WDR27: variants seen among roughly 807,000 people sequenced by gnomAD.
WDR27 encodes the protein WD repeat domain 27.
In WDR27, 100 loss-of-function variants were observed where a neutral mutation model predicts 114.4. That is an observed-to-expected ratio of 0.87 (90% CI 0.74 to 1.03). The LOEUF (loss-of-function observed/expected upper bound fraction) is 1.03, where lower values mean the gene tolerates loss of function less well. WDR27 is among the 50% of genes least tolerant of loss of function. The probability of loss-of-function intolerance (pLI) is 0.00; values close to 1 mark genes in which losing one functional copy is unlikely to be tolerated. For missense variants in WDR27, 1,129 were observed against 1,092.9 expected (o/e 1.03, Z -0.47); for synonymous variants, 449 against 423.1 (o/e 1.06, Z -0.75).
intron 25 of WDR27, among the ~76,000 whole-genome samples, chr6:169,557,080 C>CA (rs1391593548): frequency 2.0e-5 from 3 of 152,150 alleles, no homozygotes; most frequent in African/African-American, 7.2e-5. Flanking sequence ...TGTGTTCACA[C>CA]AAACAGCTGT....
At chr6:169,576,196 C>T (rs1290141537) in intron 24 of WDR27, among the ~76,000 whole-genome samples, 2 of 152,236 alleles carry the variant, frequency 1.3e-5, no homozygotes, top group South Asian at 4.1e-4. Flanking sequence ...TCTGTGTCCA[C>T]CCACCCTCAG....
chr6:169,674,688 GA>G (rs1294526773), intron 2 of WDR27, among the ~76,000 whole-genome samples: 1 of 152,166 alleles, frequency 6.6e-6, no homozygotes, highest in African/African-American at 2.4e-5. Context: ...AAATTTTGAT[GA>G]AAACCATAAA....
intron 25 of WDR27, among the ~76,000 whole-genome samples, chr6:169,508,559 G>C (rs1309546325): frequency 1.3e-5 from 2 of 152,148 alleles, no homozygotes; most frequent in Non-Finnish European, 2.9e-5. Flanking sequence ...CTGAAAATTA[G>C]TCTCTATGAA....
At chr6:169,584,930 C>T (rs1804253327) in intron 23 of WDR27, among the ~76,000 whole-genome samples, 1 of 152,074 alleles carries the variant, frequency 6.6e-6, no homozygotes, top group African/African-American at 2.4e-5. Context: ...GCTATAATAA[C>T]TAAAACAATG....
At position 169,500,632 on chromosome 6, in the gene WDR27, G is replaced by A. The variant is rs538040688; in HGVS notation, c.2646-42998C>T. On this transcript the variant is annotated intron_variant, in intron 25 of 25. Transcript: ENST00000448612. ...TGGAGGAGGGGCAATGAGTACCCAG[G>A]ACCTGCCCTCCGGGAGGTATGGCTG... is the stretch of plus-strand genomic sequence containing the variant. Among the ~76,000 whole-genome samples the A allele has an allele frequency of 4.7e-4, 71 of 152,258 alleles. No homozygotes were observed. The Middle Eastern group carries it at 0.02, about 44-fold the overall frequency.
chr6:169,487,231 C>T (rs191521512), intron 25 of WDR27, among the ~76,000 whole-genome samples: 8 of 152,272 alleles, frequency 5.3e-5, no homozygotes, highest in Admixed American at 2.6e-4. Flanking sequence ...TGACATACAG[C>T]GAATACCATT....
intron 23 of WDR27, among the ~76,000 whole-genome samples, chr6:169,597,734 T>C (rs1159614114): frequency 1.3e-5 from 2 of 152,168 alleles, no homozygotes; most frequent in Admixed American, 6.5e-5. Context: ...GAATAAAATA[T>C]GTTGACAGGA....
At chr6:169,489,098 C>T (rs1583733264) in intron 25 of WDR27, among the ~76,000 whole-genome samples, 1 of 152,110 alleles carries the variant, frequency 6.6e-6, no homozygotes, top group Admixed American at 6.5e-5. Context: ...ACTTCCCGAC[C>T]CTGGTGCAGA....
Position 169,636,471 on chromosome 6 carries a change from C to T in WDR27, c.1903G>A (p.Ala635Thr), listed in dbSNP as rs376356373. The T allele has an allele frequency of 2.1e-4, 346 of 1,613,542 alleles. No homozygotes were observed. Among genetic ancestry groups the T allele is most frequent in the Non-Finnish European group, 2.8e-4 (334 of 1,179,728 alleles). The change falls in exon 19 of 26, where the codon GCA (alanine) becomes ACA (threonine). Residue 635 changes from alanine to threonine, a missense_variant. Ala to Thr is a moderately conservative substitution (Grantham distance 58). Transcript: ENST00000448612. Reference protein sequence around the residue: ...KDMFSKPIQSAQFYYIDAFIL... With the variant: ...KDMFSKPIQSTQFYYIDAFIL... ...AAGGCATCTATATAATAGAACTGTG[C>T]AGACTGTATAGGTTTAGAAAACATG...
At chr6:169,568,319 G>GA (rs895576844) in intron 25 of WDR27, among the ~76,000 whole-genome samples, 10 of 151,590 alleles carry the variant, frequency 6.6e-5, no homozygotes, top group Non-Finnish European at 7.4e-5. Context: ...ACTTCTGAAG[G>GA]AAAAAAAACA....
intron 25 of WDR27, among the ~76,000 whole-genome samples, chr6:169,461,659 A>C (rs1468565005): frequency 3.5e-5 from 5 of 143,826 alleles, no homozygotes; most frequent in Non-Finnish European, 6.1e-5. Context: ...AAAAAAAAAC[A>C]AAACAAGAAG....
At position 169,561,669 on chromosome 6, in the gene WDR27, G is replaced by A. The variant is rs1222365412; in HGVS notation, c.2645+10750C>T. On this transcript the variant is annotated intron_variant, in intron 25 of 25. Coordinates refer to ENST00000448612, the MANE Select transcript of WDR27 (RefSeq NM_182552.5). Reference sequence around the variant, plus strand: ...AATAAAAAAACAAAGATCAGAAGGAGCAAATAGAAAATGAATAAGCAAGAC... The same window carrying A: ...AATAAAAAAACAAAGATCAGAAGGAACAAATAGAAAATGAATAAGCAAGAC... Among the ~76,000 whole-genome samples, 3 of 151,942 alleles carry A rather than the reference G, an allele frequency of 2.0e-5. No homozygotes were observed. The East Asian group carries it at 5.8e-4, about 29-fold the overall frequency.
At chr6:169,532,568 T>C (rs1243474985) in intron 25 of WDR27, among the ~76,000 whole-genome samples, 2 of 152,230 alleles carry the variant, frequency 1.3e-5, no homozygotes, top group Admixed American at 1.3e-4. Context: ...GCCAGTCTTT[T>C]AGCAGAATAC....
the WDR27 span, among the ~76,000 whole-genome samples, chr6:169,449,128 A>C: frequency 6.6e-6 from 1 of 152,196 alleles, no homozygotes; most frequent in African/African-American, 2.4e-5. Flanking sequence ...CAATATGAGC[A>C]ATGGATGTCT....
chr6:169,552,909 A>G (rs73792937), intron 25 of WDR27, among the ~76,000 whole-genome samples: 2,480 of 150,450 alleles, frequency 0.016, 64 homozygotes, highest in African/African-American at 0.057. Context: ...AGCAGATGTC[A>G]TTTTAAAAGG....
At chr6:169,458,558 A>G (rs1784555975) in intron 25 of WDR27, among the ~76,000 whole-genome samples, 1 of 152,182 alleles carries the variant, frequency 6.6e-6, no homozygotes, top group Non-Finnish European at 1.5e-5. Flanking sequence ...GTGGAGTCCA[A>G]GGTGGGTGGA....
At chr6:169,585,425 A>C (rs112754851) in intron 23 of WDR27, among the ~76,000 whole-genome samples, 1 of 152,168 alleles carries the variant, frequency 6.6e-6, no homozygotes, top group Admixed American at 6.5e-5. Context: ...GTTTTGAAGT[A>C]AAGTCTACAA....
chr6:169,650,378 C>T (rs1254755410), intron 14 of WDR27, among the ~76,000 whole-genome samples: 1 of 148,670 alleles, frequency 6.7e-6, no homozygotes, highest in African/African-American at 2.5e-5. Flanking sequence ...TCCATCTGTC[C>T]ACCCACTCAT....
intron 25 of WDR27, among the ~76,000 whole-genome samples, chr6:169,487,873 T>A (rs1789149141): frequency 6.6e-6 from 1 of 152,206 alleles, no homozygotes. Context: ...AAAAATGCCA[T>A]AAAAGAAGCA....
Sources: gnomAD v4.1 joint callset for allele counts (sites outside exome capture counted in the v4.1 genomes callset) on GRCh38, gnomAD v4.1.1 for gene constraint, MANE v1.5 for transcripts, NCBI Gene and HGNC (gene_info 2026-07-23, HGNC 2026-07-21) for gene names.